Variants in C1QTNF7 observed in about 807,000 individuals in gnomAD.
C1QTNF7 encodes C1q and TNF related 7.
C1QTNF7 carries 15 observed loss-of-function variants against 19.6 expected under a neutral mutation model. The ratio of observed to expected loss-of-function variants is 0.76; its 90% CI spans 0.51 to 1.18. The LOEUF is 1.18. C1QTNF7 is among the 50% of genes most tolerant of loss of function. The pLI is 0.00. For synonymous variants in C1QTNF7, 142 were observed against 137.5 expected, an observed-to-expected ratio of 1.03 and a Z score of -0.23; for missense variants, 324 against 359.7, an observed-to-expected ratio of 0.90 and a Z score of 0.80.
chr4:15,422,207 T>A (rs1577273718), intron 1 of C1QTNF7, among the ~76,000 whole-genome samples: 1 of 49,632 alleles, frequency 2.0e-5, no homozygotes, highest in African/African-American at 4.9e-5. Context: ...ACCTGTTTTT[T>A]TTTAAAAAAA....
At chr4:15,431,014 C>T (rs747298640) in intron 1 of C1QTNF7, among the ~76,000 whole-genome samples, 1 of 151,482 alleles carries the variant, frequency 6.6e-6, no homozygotes, top group Non-Finnish European at 1.5e-5. Context: ...TTATTTGCTG[C>T]TCATGTCATA....
At chr4:15,407,467 G>A (rs1392512332) in intron 1 of C1QTNF7, among the ~76,000 whole-genome samples, 1 of 152,188 alleles carries the variant, frequency 6.6e-6, no homozygotes, top group African/African-American at 2.4e-5. Flanking sequence ...TACCTGCACT[G>A]ATGTTAGCCG....
At chr4:15,339,843 G>T (rs144563225), upstream of C1QTNF7, 102 of 344,816 alleles carry the variant, frequency 3.0e-4, no homozygotes, top group African/African-American at 2.1e-3. Context: ...ACTCCTACTT[G>T]TTCTTAACTA....
At chr4:15,413,944 T>G (rs772316824) in intron 1 of C1QTNF7, among the ~76,000 whole-genome samples, 1 of 152,196 alleles carries the variant, frequency 6.6e-6, no homozygotes, top group African/African-American at 2.4e-5. Flanking sequence ...TTTTCTTTCA[T>G]GTATATGGAA....
chr4:15,345,372 G>T (rs1280385340), intron 1 of C1QTNF7, among the ~76,000 whole-genome samples: 2 of 152,326 alleles, frequency 1.3e-5, no homozygotes, highest in South Asian at 4.1e-4. Context: ...AGCAGGACCA[G>T]GCAGCCCTCC....
intron 2 of C1QTNF7, 123 bp from the exon 3 acceptor site, chr4:15,442,045 G>A (rs1006413213): frequency 2.0e-6 from 2 of 1,023,122 alleles, no homozygotes; most frequent in Non-Finnish European, 2.9e-6. Flanking sequence ...TTATTATTTA[G>A]TAGTACACTG....
upstream of C1QTNF7, among the ~76,000 whole-genome samples, chr4:15,425,117 C>G (rs893918659): frequency 6.6e-6 from 1 of 151,862 alleles, no homozygotes; most frequent in Admixed American, 6.6e-5. Context: ...CTACAACTCC[C>G]CGGTTTGTAA....
At chr4:15,383,503 T>C (rs1438007530) in intron 1 of C1QTNF7, among the ~76,000 whole-genome samples, 1 of 152,184 alleles carries the variant, frequency 6.6e-6, no homozygotes, top group African/African-American at 2.4e-5. Flanking sequence ...ACAATTTATA[T>C]CCTCCATTGT....
At chr4:15,387,179 G>C (rs1433107869) in intron 1 of C1QTNF7, among the ~76,000 whole-genome samples, 1 of 152,196 alleles carries the variant, frequency 6.6e-6, no homozygotes, top group African/African-American at 2.4e-5. Flanking sequence ...TATTTGGCCT[G>C]AGCATCCGAA....
chr4:15,366,841 C>T (rs1189408037), intron 1 of C1QTNF7, among the ~76,000 whole-genome samples: 1 of 152,150 alleles, frequency 6.6e-6, no homozygotes, highest in Admixed American at 6.6e-5. Context: ...ACAGGAAGTG[C>T]ATGTGTGACT....
intron 2 of C1QTNF7, 82 bp from the exon 3 acceptor site, chr4:15,442,086 A>G: frequency 6.9e-7 from 1 of 1,453,856 alleles, no homozygotes; most frequent in Non-Finnish European, 9.3e-7. Flanking sequence ...CAAAGTTGGG[A>G]TGTGCTGGGA....
At chr4:15,366,394 T>A (rs2109302827) in intron 1 of C1QTNF7, among the ~76,000 whole-genome samples, 1 of 152,310 alleles carries the variant, frequency 6.6e-6, no homozygotes, top group South Asian at 2.1e-4. Context: ...GTTAGTTTAC[T>A]GTTGCTGCAT....
chr4:15,423,390 A>G (rs543460471), upstream of C1QTNF7, among the ~76,000 whole-genome samples: 1 of 152,328 alleles, frequency 6.6e-6, no homozygotes, highest in East Asian at 1.9e-4. Context: ...TGTTCATTCC[A>G]TGAGTCACTG....
intron 1 of C1QTNF7, among the ~76,000 whole-genome samples, chr4:15,434,025 G>A (rs939929832): frequency 6.6e-6 from 1 of 152,126 alleles, no homozygotes. Flanking sequence ...TCCTTTGGAA[G>A]GCCTGTATTG....
intron 1 of C1QTNF7, among the ~76,000 whole-genome samples, chr4:15,365,460 G>A (rs1717479647): frequency 6.6e-6 from 1 of 152,086 alleles, no homozygotes; most frequent in Non-Finnish European, 1.5e-5. Context: ...GTTGAATATT[G>A]GTGATTTCAC....
intron 1 of C1QTNF7, among the ~76,000 whole-genome samples, chr4:15,403,750 G>A (rs766331236): frequency 3.3e-5 from 5 of 152,268 alleles, no homozygotes; most frequent in East Asian, 1.9e-4. Flanking sequence ...CAAATGGTGT[G>A]ATTTCTGAAT....
chr4:15,410,469 GGAA>G (rs1719366497), intron 1 of C1QTNF7, among the ~76,000 whole-genome samples: 1 of 151,966 alleles, frequency 6.6e-6, no homozygotes, highest in Non-Finnish European at 1.5e-5. Flanking sequence ...TCCTTATGAT[GGAA>G]AAGGCATTAT....
At chr4:15,368,790 C>T (rs1039387767) in intron 1 of C1QTNF7, among the ~76,000 whole-genome samples, 7 of 152,202 alleles carry the variant, frequency 4.6e-5, no homozygotes, top group Non-Finnish European at 1.0e-4. Context: ...ATTTATAATC[C>T]TTTGGGTATA....
intron 1 of C1QTNF7, among the ~76,000 whole-genome samples, chr4:15,349,881 G>C (rs1360671579): frequency 6.6e-6 from 1 of 152,048 alleles, no homozygotes; most frequent in African/African-American, 2.4e-5. Flanking sequence ...CATAAGGAAG[G>C]CAATTTATAG....
Sources: gnomAD v4.1 joint callset for allele counts (sites outside exome capture counted in the v4.1 genomes callset) on GRCh38, gnomAD v4.1.1 for gene constraint, MANE v1.5 for transcripts, NCBI Gene and HGNC (gene_info 2026-07-23, HGNC 2026-07-21) for gene names.